BMPR2: variants seen among roughly 807,000 people sequenced by gnomAD.
BMPR2 encodes bone morphogenetic protein receptor type-2.
A neutral mutation model predicts 100.8 loss-of-function variants in BMPR2; 29 were observed. That is an observed-to-expected ratio of 0.29 (90% CI 0.21 to 0.39). BMPR2 has a LOEUF of 0.39. Among genes scored for constraint, BMPR2 ranks in the 10% least tolerant of loss-of-function variants. The pLI, the probability that BMPR2 is intolerant of heterozygous loss-of-function variation, is 1.00. For synonymous variants in BMPR2, 382 were observed against 442.3 expected (o/e 0.86, Z 1.71); for missense variants, 1,011 against 1,274.5 (o/e 0.79, Z 3.15).
chr2:202,404,194 G>GTT (rs747014208), intron 1 of BMPR2, among the ~76,000 whole-genome samples: 67 of 133,786 alleles, frequency 5.0e-4, no homozygotes, highest in Non-Finnish European at 6.4e-4. Context: ...TCTTTGGGTT[G>GTT]TTTTTTTTTT....
chr2:202,446,547 A>G (rs765500580), intron 1 of BMPR2, among the ~76,000 whole-genome samples: 10 of 150,332 alleles, frequency 6.7e-5, no homozygotes, highest in Admixed American at 6.6e-5. Context: ...TCATTTCAAT[A>G]TAGTATTAGT....
At chr2:202,476,754 A>G (rs961880564) in intron 3 of BMPR2, among the ~76,000 whole-genome samples, 2 of 152,106 alleles carry the variant, frequency 1.3e-5, no homozygotes, top group African/African-American at 4.8e-5. Context: ...GCGCCATTGC[A>G]CTCCAGCCTG....
rs1687460121 is a variant in BMPR2 at position 202,503,856 on chromosome 2, A to G, written c.419-9863A>G. Among the ~76,000 whole-genome samples the G allele has an allele frequency of 6.6e-6, 1 of 152,164 alleles. No homozygotes were observed. Among genetic ancestry groups the G allele is most frequent in the Admixed American group, 6.5e-5 (1 of 15,284 alleles). ...TCCTGAGTCTGGTGGGGACATGGAG[A>G]ACCTTTATGTCTAGCTCAGGGATTG... is the stretch of plus-strand genomic sequence containing the variant. On this transcript the variant is annotated intron_variant, in intron 3 of 12. Coordinates refer to ENST00000374580, the MANE Select transcript of BMPR2 (RefSeq NM_001204.7). This position sits in a 1 kb window ranked among gnomAD's most constrained non-coding sequence, Gnocchi z 4.0.
chr2:202,551,868 T>TC, intron 10 of BMPR2, among the ~76,000 whole-genome samples: 1 of 150,388 alleles, frequency 6.6e-6, no homozygotes, highest in East Asian at 2.0e-4. Context: ...GCTAATTTTT[T>TC]TTTTTTTTTT....
chr2:202,542,027 C>T (rs1688284946), intron 9 of BMPR2, among the ~76,000 whole-genome samples: 1 of 151,704 alleles, frequency 6.6e-6, no homozygotes, highest in Admixed American at 6.6e-5. Flanking sequence ...GAGAGAATCA[C>T]TTGAACCCGG....
intron 9 of BMPR2, among the ~76,000 whole-genome samples, chr2:202,541,231 A>G (rs928281164): frequency 1.3e-5 from 2 of 152,112 alleles, no homozygotes; most frequent in African/African-American, 4.8e-5. Context: ...ATTTGAGGGC[A>G]GAAGTATGAG....
intron 3 of BMPR2, among the ~76,000 whole-genome samples, chr2:202,482,603 A>G (rs1692682385): frequency 6.7e-6 from 1 of 149,106 alleles, no homozygotes; most frequent in South Asian, 2.1e-4. Flanking sequence ...CAGTGGCACG[A>G]TCTCGGCTCA....
intron 1 of BMPR2, among the ~76,000 whole-genome samples, chr2:202,438,509 T>C (rs1470135345): frequency 1.3e-5 from 2 of 150,246 alleles, no homozygotes; most frequent in African/African-American, 2.5e-5. Context: ...CTTTTTGGTA[T>C]CACAGCTAAG....
chr2:202,537,939 A>G (rs546475552), intron 9 of BMPR2, among the ~76,000 whole-genome samples: 1 of 152,206 alleles, frequency 6.6e-6, no homozygotes, highest in African/African-American at 2.4e-5. Flanking sequence ...CCTGGCCAGC[A>G]TGGTGAAACC....
chr2:202,530,714 A>G, intron 7 of BMPR2, 80 bp from the exon 8 acceptor site: 1 of 1,247,938 alleles, frequency 8.0e-7, no homozygotes, highest in Non-Finnish European at 1.1e-6. Context: ...AAATAATACT[A>G]CTTCTATATT....
At chr2:202,457,695 TCTA>T (rs1405403034) in intron 1 of BMPR2, among the ~76,000 whole-genome samples, 3 of 152,004 alleles carry the variant, frequency 2.0e-5, no homozygotes, top group Non-Finnish European at 4.4e-5. Context: ...ATGAGACACT[TCTA>T]CTCAAAGGAC....
intron 2 of BMPR2, among the ~76,000 whole-genome samples, chr2:202,465,440 CTATT>C (rs1480194541): frequency 1.3e-5 from 2 of 151,984 alleles, no homozygotes; most frequent in African/African-American, 2.4e-5. Context: ...TTATAAAAGG[CTATT>C]TATTTTTAGA....
At chr2:202,536,701 T>G (rs1021210911) in intron 9 of BMPR2, among the ~76,000 whole-genome samples, 1 of 151,800 alleles carries the variant, frequency 6.6e-6, no homozygotes, top group African/African-American at 2.4e-5. Flanking sequence ...GGTGAAACCC[T>G]GTCTCTACTA....
chr2:202,519,138 G>T lies in BMPR2; in HGVS notation c.852+86G>T, dbSNP rs1027948256. 5.9e-6 allele frequency: 8 copies of T among 1,365,064 alleles called. No homozygotes were observed. The African/African-American group carries it at 8.6e-5, about 15-fold the overall frequency. 84.6% of individuals were successfully genotyped at this position (1,365,064 alleles called of 1,614,324 possible). A position where few individuals can be genotyped will look rare whatever the true frequency, so the allele number is the denominator to read the frequency against. Reference sequence around the variant, plus strand: ...GCACTTTTGGAGGCTAAGGCAGGTGGATCACTTGAGGCCAAGAGTTCAGGA... The same window carrying T: ...GCACTTTTGGAGGCTAAGGCAGGTGTATCACTTGAGGCCAAGAGTTCAGGA... On this transcript the variant is annotated intron_variant, in intron 6 of 12. Coordinates refer to ENST00000374580, the MANE Select transcript of BMPR2 (RefSeq NM_001204.7).
chr2:202,536,770 G>C (rs969155478), intron 9 of BMPR2, among the ~76,000 whole-genome samples: 3 of 151,480 alleles, frequency 2.0e-5, no homozygotes, highest in Admixed American at 6.6e-5. Context: ...TACTTGGGAG[G>C]CTGAGGCAGG....
At chr2:202,511,003 TTGAA>T (rs1290030857) in intron 3 of BMPR2, among the ~76,000 whole-genome samples, 12 of 149,980 alleles carry the variant, frequency 8.0e-5, no homozygotes, top group Non-Finnish European at 1.5e-4. Context: ...TTTTTTTTGA[TTGAA>T]GTAAAATTCA....
At chr2:202,424,800 A>G (rs942572571) in intron 1 of BMPR2, among the ~76,000 whole-genome samples, 1 of 152,230 alleles carries the variant, frequency 6.6e-6, no homozygotes. Context: ...CTATAAAGGC[A>G]TCTGCAATAT....
intron 3 of BMPR2, among the ~76,000 whole-genome samples, chr2:202,472,555 A>G (rs1692456644): frequency 1.3e-5 from 2 of 152,228 alleles, no homozygotes; most frequent in African/African-American, 2.4e-5. Context: ...GCTACTTGGG[A>G]GGCTGAGGCA....
chr2:202,473,969 G>A (rs1173139297), intron 3 of BMPR2, among the ~76,000 whole-genome samples: 2 of 149,608 alleles, frequency 1.3e-5, no homozygotes, highest in Non-Finnish European at 3.0e-5. Context: ...GCTGGGCATG[G>A]TGGCACACCC....
Sources: gnomAD v4.1 joint callset for allele counts (sites outside exome capture counted in the v4.1 genomes callset) on GRCh38, gnomAD v4.1.1 for gene constraint, Gnocchi (gnomAD v3.1) non-coding constraint, MANE v1.5 for transcripts, NCBI Gene and HGNC (gene_info 2026-07-23, HGNC 2026-07-21) for gene names.